The following DRD2 variants were observed in gnomAD, a reference collection of about 807,000 sequenced individuals.
DRD2 encodes the protein D(2) dopamine receptor.
In DRD2, 8 loss-of-function variants were observed where a neutral mutation model predicts 38.0. The observed-to-expected ratio is 0.21, with a 90% confidence interval of 0.12 to 0.38. The LOEUF (loss-of-function observed/expected upper bound fraction) is 0.38, where lower values mean the gene tolerates loss of function less well. Among genes scored for constraint, DRD2 ranks in the 10% least tolerant of loss-of-function variants. DRD2 has a pLI of 1.00. For missense variants in DRD2, 403 were observed against 607.7 expected, an observed-to-expected ratio of 0.66 and a Z score of 3.54; for synonymous variants, 230 against 238.6, an observed-to-expected ratio of 0.96 and a Z score of 0.33.
At chr11:113,430,146 G>A (rs182691526) in intron 1 of DRD2, among the ~76,000 whole-genome samples, 207 of 152,274 alleles carry the variant, frequency 1.4e-3, no homozygotes, top group Admixed American at 2.7e-3. Flanking sequence ...TCAAGATGCA[G>A]CCACCAACTC....
At chr11:113,455,499 C>G (rs1335667756) in intron 1 of DRD2, among the ~76,000 whole-genome samples, 1 of 151,922 alleles carries the variant, frequency 6.6e-6, no homozygotes, top group Non-Finnish European at 1.5e-5. Context: ...GTGAAGGAAA[C>G]AATAAATTGA....
intron 1 of DRD2, among the ~76,000 whole-genome samples, chr11:113,471,311 T>C (rs1418279911): frequency 6.6e-6 from 1 of 152,108 alleles, no homozygotes; most frequent in Non-Finnish European, 1.5e-5. Context: ...TCCAACACCA[T>C]TAGAGTAATT....
chr11:113,414,459 G>A lies in DRD2; in HGVS notation c.726C>T (p.Gly242=). The A allele has an allele frequency of 5.0e-6, 8 of 1,614,176 alleles. No individual in the cohort carries two copies. The highest frequency in any genetic ancestry group is 6.8e-6 in the Non-Finnish European group (8 of 1,180,030). The change falls in exon 6 of 8, where the codon GGC becomes GGT. Residue 242 remains glycine, a splice_region_variant and synonymous_variant. Coordinates refer to ENST00000362072, the MANE Select transcript of DRD2 (RefSeq NM_000795.4). ...FRAHLRAPLK[G]NCTHPEDMKL... ...TCATGTCCTCGGGGTGAGTACAGTTGCCCTGTGGAGTGAGCCAGCACATGG... is the reference window on the plus strand; with the variant it reads ...TCATGTCCTCGGGGTGAGTACAGTTACCCTGTGGAGTGAGCCAGCACATGG...
intron 1 of DRD2, among the ~76,000 whole-genome samples, chr11:113,438,515 C>A (rs1249553908): frequency 6.6e-6 from 1 of 152,174 alleles, no homozygotes; most frequent in Non-Finnish European, 1.5e-5. Context: ...AGAAACTCCC[C>A]ATTTCTCTGT....
chr11:113,465,831 A>G (rs557603418), intron 1 of DRD2, among the ~76,000 whole-genome samples: 2 of 152,328 alleles, frequency 1.3e-5, no homozygotes, highest in African/African-American at 4.8e-5. Flanking sequence ...AGAAGAGAGA[A>G]TATAAAATTT....
In DRD2 at chr11:113,415,381, G is replaced by T. The variant is rs201040625; in HGVS notation, c.723+40C>A. ...AGATGAGCCCTCTTGGTAATGGTTA[G>T]GTGGGGACCCTTGGAGTTGGTTGGG... is the stretch of plus-strand genomic sequence containing the variant. On this transcript the variant is annotated intron_variant, in intron 5 of 7. Transcript: ENST00000362072. The T allele has an allele frequency of 2.8e-4, 440 of 1,587,230 alleles. 1 individual carries two copies. The highest frequency in any genetic ancestry group is 3.6e-4 in the Non-Finnish European group (425 of 1,165,916).
chr11:113,415,745 G>A (rs1417585408), intron 4 of DRD2, 134 bp from the exon 5 acceptor site: 22 of 984,646 alleles, frequency 2.2e-5, no homozygotes, highest in Non-Finnish European at 3.3e-5. Flanking sequence ...GATGTTTAAG[G>A]CTGCCTGGTC....
chr11:113,452,879 T>C (rs543174035), intron 1 of DRD2, among the ~76,000 whole-genome samples: 48 of 152,114 alleles, frequency 3.2e-4, no homozygotes, highest in African/African-American at 1.1e-3. Context: ...CTCAAACTCC[T>C]GAACTCAGGT....
intron 1 of DRD2, among the ~76,000 whole-genome samples, chr11:113,433,208 G>A (rs1309552198): frequency 6.6e-6 from 1 of 152,210 alleles, no homozygotes; most frequent in African/African-American, 2.4e-5. Flanking sequence ...CACTGGGAAC[G>A]GTTTTTCCTG....
chr11:113,456,863 C>A (rs143553599), intron 1 of DRD2, among the ~76,000 whole-genome samples: 61 of 152,108 alleles, frequency 4.0e-4, no homozygotes, highest in Non-Finnish European at 6.9e-4. Context: ...AAACTGTACA[C>A]GTCAAAATTA....
In DRD2 at chr11:113,430,087, C is replaced by T. The variant is rs527497529; in HGVS notation, c.-31-5405G>A. On this transcript the variant is annotated intron_variant, in intron 1 of 7. Transcript: ENST00000362072. ...TGAGGTCCTCCTGGGCCCACTGCCT[C>T]CTATGGCCCATCCTGAAAAATAGGT... Among the ~76,000 whole-genome samples the T allele has an allele frequency of 2.0e-5, 3 of 152,314 alleles. No individual in the cohort carries two copies. In the East Asian group the frequency reaches 5.8e-4, roughly 29 times the overall value.
At chr11:113,429,521 A>C (rs2138188079) in intron 1 of DRD2, among the ~76,000 whole-genome samples, 1 of 152,290 alleles carries the variant, frequency 6.6e-6, no homozygotes, top group African/African-American at 2.4e-5. Flanking sequence ...CTGGGATTAC[A>C]GGCGTGAGCC....
chr11:113,416,191 A>C (rs1490771984), intron 4 of DRD2, among the ~76,000 whole-genome samples: 1 of 152,218 alleles, frequency 6.6e-6, no homozygotes, highest in Admixed American at 6.5e-5. Context: ...GATGCTTATA[A>C]TAGATACCGA....
intron 2 of DRD2, among the ~76,000 whole-genome samples, chr11:113,423,783 C>T (rs1950908466): frequency 6.6e-6 from 1 of 152,156 alleles, no homozygotes. Flanking sequence ...GCAGCCTCTA[C>T]CTGCAGGTCC....
chr11:113,471,204 A>G (rs1356606760), intron 1 of DRD2, among the ~76,000 whole-genome samples: 1 of 152,196 alleles, frequency 6.6e-6, no homozygotes, highest in African/African-American at 2.4e-5. Context: ...GTCAAAAAAT[A>G]AGAAAGTTTT....
At chr11:113,414,149 T>G (rs1950797999) in intron 6 of DRD2, 1 of 607,900 alleles carries the variant, frequency 1.6e-6, no homozygotes, top group Admixed American at 2.7e-5. Flanking sequence ...ATTACGTTGG[T>G]ATGGCCAACC....
chr11:113,431,918 G>A (rs1284853742), intron 1 of DRD2, among the ~76,000 whole-genome samples: 1 of 152,220 alleles, frequency 6.6e-6, no homozygotes, highest in East Asian at 1.9e-4. Flanking sequence ...CCCCAGGCAG[G>A]CCACCCTGCT....
rs893464296 is a variant in DRD2 at position 113,459,116 on chromosome 11, C to T, written c.-32+15960G>A. On this transcript the variant is annotated intron_variant, in intron 1 of 7. Transcript: ENST00000362072. ...ACTTTACTTTCTATCTCTGAGTCTC[C>T]GTTTCCTCCTCTGTAAAATGGGAGT... 3.9e-5 allele frequency among the ~76,000 whole-genome samples: 6 copies of T among 152,264 alleles called. No individual in the cohort carries two copies. In the East Asian group the frequency reaches 5.8e-4, roughly 15 times the overall value.
At chr11:113,471,881 G>C (rs555170555) in intron 1 of DRD2, among the ~76,000 whole-genome samples, 2 of 152,318 alleles carry the variant, frequency 1.3e-5, no homozygotes, top group South Asian at 4.1e-4. Context: ...TGACTGGGCT[G>C]CTGTTCTAAG....
Sources: gnomAD v4.1 joint callset for allele counts (sites outside exome capture counted in the v4.1 genomes callset) on GRCh38, gnomAD v4.1.1 for gene constraint, MANE v1.5 for transcripts, NCBI Gene and HGNC (gene_info 2026-07-23, HGNC 2026-07-21) for gene names.